NTM: variants seen among roughly 807,000 people sequenced by gnomAD.
NTM encodes the protein IgLON family member 2.
In NTM, 13 loss-of-function variants were observed where a neutral mutation model predicts 42.1. That is an observed-to-expected ratio of 0.31 (90% CI 0.20 to 0.49). The LOEUF is 0.49. Ranked by LOEUF, NTM falls within the 20% of genes least tolerant of loss-of-function variation. The pLI is 0.99. For synonymous variants in NTM, 187 were observed against 179.2 expected, an observed-to-expected ratio of 1.04 and a Z score of -0.35; for missense variants, 373 against 452.8, an observed-to-expected ratio of 0.82 and a Z score of 1.60.
At chr11:131,865,574 A>T (rs2047045978) in intron 1 of NTM, among the ~76,000 whole-genome samples, 1 of 152,196 alleles carries the variant, frequency 6.6e-6, no homozygotes. Context: ...AGTTGCATGC[A>T]CGTGCTTAGC....
rs372616969 is a variant in NTM, at chr11:132,017,408, T to A, written c.167+105760T>A. On this transcript the variant is annotated intron_variant, in intron 2 of 8. Transcript: ENST00000683400. Reference sequence around the variant, plus strand: ...AACAGTCTTTTTCCTCACTGAGTTGTCTTAACACTTTTGACAAAATTCAGT... The same window carrying A: ...AACAGTCTTTTTCCTCACTGAGTTGACTTAACACTTTTGACAAAATTCAGT... Among the ~76,000 whole-genome samples, 35 of 152,104 alleles carry A rather than the reference T, an allele frequency of 2.3e-4. 1 individual carries two copies. The East Asian group carries it at 6.2e-3, about 27-fold the overall frequency.
chr11:131,856,770 G>A (rs2046140827), intron 1 of NTM, among the ~76,000 whole-genome samples: 2 of 152,200 alleles, frequency 1.3e-5, no homozygotes. Flanking sequence ...TGACTACCTT[G>A]GAGGCTGTAC....
chr11:132,248,040 CA>C (rs869057557), intron 4 of NTM, among the ~76,000 whole-genome samples: 1 of 147,934 alleles, frequency 6.8e-6, no homozygotes, highest in Non-Finnish European at 1.5e-5. Context: ...AGCATCCAAA[CA>C]TGGGAGAAAA....
At chr11:131,378,814 C>A (rs909066565) in intron 1 of NTM, among the ~76,000 whole-genome samples, 1 of 152,156 alleles carries the variant, frequency 6.6e-6, no homozygotes, top group African/African-American at 2.4e-5. Flanking sequence ...GCCTCCCTGC[C>A]CCTCCCCAGG....
At chr11:131,774,305 T>C (rs1591752970) in intron 1 of NTM, among the ~76,000 whole-genome samples, 1 of 152,220 alleles carries the variant, frequency 6.6e-6, no homozygotes, top group Admixed American at 6.5e-5. Flanking sequence ...ATTTCTTCTT[T>C]GCTCCTCATG....
rs77450511 is a variant in NTM, at chr11:132,221,803, A to G, written c.526+9656A>G. Among the ~76,000 whole-genome samples, 324 of 152,326 alleles carry G rather than the reference A, an allele frequency of 2.1e-3. 2 individuals are homozygous for G. Among genetic ancestry groups the G allele is most frequent in the African/African-American group, 7.3e-3 (305 of 41,572 alleles). Reference sequence around the variant, plus strand: ...TTTTTATTTTAGAGACGAAGGCATGAAAATCAGGGGGCAGGAGAAGGAATT... The same window carrying G: ...TTTTTATTTTAGAGACGAAGGCATGGAAATCAGGGGGCAGGAGAAGGAATT... On this transcript the variant is annotated intron_variant, in intron 4 of 8. Coordinates refer to ENST00000683400, the MANE Select transcript of NTM (RefSeq NM_001352005.2).
intron 2 of NTM, among the ~76,000 whole-genome samples, chr11:131,947,307 C>T (rs949254194): frequency 7.9e-5 from 12 of 152,102 alleles, no homozygotes; most frequent in African/African-American, 2.9e-4. Flanking sequence ...GGTTTATCTT[C>T]CCACCTGATG....
intron 1 of NTM, among the ~76,000 whole-genome samples, chr11:131,477,475 C>T (rs1953074919): frequency 6.6e-6 from 1 of 151,700 alleles, no homozygotes; most frequent in Admixed American, 6.6e-5. Flanking sequence ...TGTGGCTGAC[C>T]ACTGAGTGGG....
At chr11:131,598,777 TC>T (rs1415700232) in intron 1 of NTM, among the ~76,000 whole-genome samples, 2,289 of 79,924 alleles carry the variant, frequency 0.029, 960 homozygotes, top group Middle Eastern at 0.07. Context: ...TTTCTTTCTT[TC>T]TTTCTTCTTT....
At chr11:132,030,974 A>T (rs965470201) in intron 2 of NTM, among the ~76,000 whole-genome samples, 6 of 152,194 alleles carry the variant, frequency 3.9e-5, no homozygotes, top group Non-Finnish European at 8.8e-5. Context: ...TGGGGCCCAG[A>T]CTGAGGAGCC....
At chr11:132,130,616 G>T (rs1212525964) in intron 2 of NTM, among the ~76,000 whole-genome samples, 1 of 152,152 alleles carries the variant, frequency 6.6e-6, no homozygotes, top group East Asian at 1.9e-4. Context: ...TGGCATCCCT[G>T]CCTTCACAGT....
chr11:131,413,384 T>C (rs1946619973), intron 1 of NTM, among the ~76,000 whole-genome samples: 1 of 152,212 alleles, frequency 6.6e-6, no homozygotes, highest in African/African-American at 2.4e-5. Context: ...GCCCACCCAC[T>C]GTGGTGAAGC....
intron 2 of NTM, among the ~76,000 whole-genome samples, chr11:132,136,122 CA>C (rs1482292007): frequency 1.3e-5 from 2 of 152,208 alleles, no homozygotes; most frequent in African/African-American, 4.8e-5. Flanking sequence ...GTGGGCTCTA[CA>C]GGATAGGGAC....
chr11:131,981,234 C>T (rs988501926), intron 2 of NTM: 1 of 152,172 alleles, frequency 6.6e-6, no homozygotes, highest in African/African-American at 2.4e-5. Flanking sequence ...CATGAGGCTA[C>T]CAGATGAGGA....
intron 1 of NTM, among the ~76,000 whole-genome samples, chr11:131,782,836 C>T (rs1011667684): frequency 1.3e-5 from 2 of 152,246 alleles, no homozygotes; most frequent in Non-Finnish European, 1.5e-5. Context: ...CTTTCTCAAC[C>T]TGATAATTGT....
intron 1 of NTM, among the ~76,000 whole-genome samples, chr11:131,907,484 G>A (rs1565708054): frequency 6.6e-6 from 1 of 152,212 alleles, no homozygotes; most frequent in African/African-American, 2.4e-5. Flanking sequence ...TGCTCAGGGA[G>A]TGTGTATGTG....
intron 1 of NTM, among the ~76,000 whole-genome samples, chr11:131,430,869 C>T (rs1271220979): frequency 6.6e-6 from 1 of 152,242 alleles, no homozygotes; most frequent in African/African-American, 2.4e-5. Flanking sequence ...CTCCTGGCAG[C>T]GTTCTGCGGG....
chr11:131,421,320 C>G (rs1271675351), intron 1 of NTM, among the ~76,000 whole-genome samples: 6 of 152,310 alleles, frequency 3.9e-5, no homozygotes, highest in Non-Finnish European at 5.9e-5. Flanking sequence ...CAAGAGAGGA[C>G]AGAGGCATCT....
rs149828118 is a variant in NTM, at chr11:131,542,355, C to T, written c.82+171467C>T. Among the ~76,000 whole-genome samples the T allele has an allele frequency of 9.9e-5, 15 of 152,284 alleles. No homozygotes were observed. In the East Asian group the frequency reaches 2.5e-3, roughly 25 times the overall value. ...GACAAGAAGAGAGAAATGAGCATGT[C>T]TTCAGAACTGCACTGTGAACTTCTA... On this transcript the variant is annotated intron_variant, in intron 1 of 8. Coordinates refer to ENST00000683400, the MANE Select transcript of NTM (RefSeq NM_001352005.2).
Sources: allele counts gnomAD v4.1 joint callset (sites outside exome capture counted in the v4.1 genomes callset), GRCh38; gene constraint gnomAD v4.1.1; transcripts MANE v1.5; gene names NCBI Gene and HGNC (gene_info 2026-07-23, HGNC 2026-07-21).